UMODL1: variants seen among roughly 807,000 people sequenced by gnomAD.
The protein encoded by UMODL1 is uromodulin like 1, also known as uromodulin-like 1.
Under a neutral mutation model 136.3 loss-of-function variants are expected in UMODL1, and 128 were observed. The ratio of observed to expected loss-of-function variants is 0.94; its 90% CI spans 0.81 to 1.09. The LOEUF is 1.09. Ranked by LOEUF, UMODL1 falls within the 50% of genes least tolerant of loss-of-function variation. The pLI is 0.00. For synonymous variants in UMODL1, 721 were observed against 720.0 expected, an observed-to-expected ratio of 1.00 and a Z score of -0.02; for missense variants, 1,766 against 1,725.6, an observed-to-expected ratio of 1.02 and a Z score of -0.41.
intron 12 of UMODL1, among the ~76,000 whole-genome samples, chr21:42,112,673 C>CCCCTCAGCTGTTCTGCA (rs1484387797): frequency 2.0e-5 from 3 of 151,860 alleles, no homozygotes; most frequent in Non-Finnish European, 2.9e-5. Context: ...TGTTTTGTGC[C>CCCCTCAGCTGTTCTGCA]CCCTCAGCTG....
chr21:42,105,749 A>C (rs959110810), intron 9 of UMODL1, among the ~76,000 whole-genome samples: 5 of 152,216 alleles, frequency 3.3e-5, no homozygotes, highest in African/African-American at 1.2e-4. Context: ...CTAGAGCCCC[A>C]GAGGGAGGGC....
intron 15 of UMODL1, 102 bp from the exon 16 acceptor site, chr21:42,120,969 CTGCTGTGGCTGGAGTT>C: frequency 7.6e-7 from 1 of 1,322,996 alleles, no homozygotes. Context: ...TGACTGCAGT[CTGCTGTGGCTGGAGTT>C]TCCAGCTTTG....
intron 12 of UMODL1, among the ~76,000 whole-genome samples, chr21:42,112,124 A>C: frequency 7.2e-6 from 1 of 139,238 alleles, no homozygotes; most frequent in South Asian, 2.3e-4. Context: ...ACAACTCTGC[A>C]CCCTCCCAGT....
intron 21 of UMODL1, 145 bp downstream of exon 21, chr21:42,129,942 G>C: frequency 1.6e-6 from 1 of 610,982 alleles, no homozygotes; most frequent in South Asian, 2.8e-5. Context: ...AATACTCATA[G>C]TTAGTATTCA....
chr21:42,091,792 C>T (rs1045380718), intron 6 of UMODL1, among the ~76,000 whole-genome samples: 7 of 152,212 alleles, frequency 4.6e-5, no homozygotes, highest in Admixed American at 2.0e-4. Flanking sequence ...TTGAGTTGGA[C>T]GCGTGGTGCT....
rs570086974 is a variant in UMODL1 at position 42,113,983 on chromosome 21, G to A, written c.2362+153G>A. On this transcript the variant is annotated intron_variant, in intron 13 of 22. Coordinates refer to ENST00000408910, the MANE Select transcript of UMODL1 (RefSeq NM_001004416.3). ...GGACATCCGGCTGGCTTCAGCAGGC[G>A]TGCAATGACGGCCAGACAGGAGGTG... 1.4e-3 allele frequency among the ~76,000 whole-genome samples: 216 copies of A among 152,370 alleles called. 2 individuals carry two copies. Among genetic ancestry groups the A allele is most frequent in the East Asian group, 1.2e-3 (6 of 5,190 alleles).
Position 42,076,064 on chromosome 21 carries a change from C to T in UMODL1, c.136C>T (p.Gln46Ter), listed in dbSNP as rs1203670638. 1.2e-6 allele frequency: 2 copies of T among 1,614,152 alleles called. No individual in the cohort carries two copies. The highest frequency in any genetic ancestry group is 1.7e-5 in the Admixed American group (1 of 60,014). ...CAGCCACCGTGTGACCCACACTGTA[C>T]AGAAGGTGGAGGCCGTGCAGACGTC... ...LCSHRVTHTV[Q>*]KVEAVQTSYT... Residue 46 changes from glutamine to a stop codon, truncating the protein, a stop_gained, in exon 2 of 23, where the codon CAG (glutamine) becomes TAG (stop). Transcript: ENST00000408910. LOFTEE classifies it high-confidence loss of function.
chr21:42,100,115 G>A (rs771846753), intron 7 of UMODL1, among the ~76,000 whole-genome samples: 2 of 152,118 alleles, frequency 1.3e-5, no homozygotes, highest in African/African-American at 2.4e-5. Context: ...GCTGGTGGAA[G>A]TTCTCCCCCA....
rs1344258120 is a variant in UMODL1, at chr21:42,122,579, G to A, written c.2828-252G>A. On this transcript the variant is annotated intron_variant, in intron 16 of 22. Transcript: ENST00000408910. The surrounding 1 kb of genome is among the most constrained non-coding windows in gnomAD (Gnocchi z 4.3). ...TGTGTCTGCACGTGTGTGCGTGCGT[G>A]TGTGCATGTGTGTGCATGTGTGTGC... 2.7e-5 allele frequency among the ~76,000 whole-genome samples: 2 copies of A among 74,720 alleles called. No individual in the cohort carries two copies. The allele number at this position is 74,720 out of a possible 152,430, so 49.0% of individuals were successfully genotyped here.
In UMODL1 at chr21:42,122,965, G is replaced by A; in HGVS notation, c.2962G>A (p.Ala988Thr). 6.2e-7 allele frequency: 1 copy of A among 1,614,068 alleles called. No homozygotes were observed. The highest frequency in any genetic ancestry group is 8.5e-7 in the Non-Finnish European group (1 of 1,180,048). The change falls in exon 17 of 23, where the codon GCA becomes ACA. Residue 988 changes from alanine (A) to threonine (T), a missense_variant. Coordinates refer to ENST00000408910, the MANE Select transcript of UMODL1 (RefSeq NM_001004416.3). This position sits in a 1 kb window ranked among gnomAD's most constrained non-coding sequence, Gnocchi z 4.3. ...GLPQRLNLTG[A>T]VRVLCEIEKV... The stretch of plus-strand genomic sequence containing the variant: ...GCCCCAGCGGCTGAACCTGACCGGA[G>A]CAGTCAGGGTGCTCTGTGAGATCGA...
chr21:42,069,579 T>C (rs1375970882), upstream of UMODL1, among the ~76,000 whole-genome samples: 1 of 152,162 alleles, frequency 6.6e-6, no homozygotes, highest in Non-Finnish European at 1.5e-5. Context: ...TTACTGGCTG[T>C]GTGGCCTTTC....
intron 22 of UMODL1, among the ~76,000 whole-genome samples, 186 bp from the exon 23 acceptor site, chr21:42,141,910 G>A (rs1418568143): frequency 2.6e-5 from 4 of 152,212 alleles, no homozygotes; most frequent in South Asian, 2.1e-4. Context: ...CATGGTCCCC[G>A]TTCCACTGGG....
At chr21:42,140,896 T>G (rs2067272799) in intron 22 of UMODL1, among the ~76,000 whole-genome samples, 1 of 152,160 alleles carries the variant, frequency 6.6e-6, no homozygotes, top group South Asian at 2.1e-4. Flanking sequence ...TTTGGTAGCT[T>G]TTGGCCTCTG....
chr21:42,101,212 C>T (rs2066627409), intron 7 of UMODL1, among the ~76,000 whole-genome samples: 1 of 151,904 alleles, frequency 6.6e-6, no homozygotes, highest in Non-Finnish European at 1.5e-5. Flanking sequence ...GTTACGGTGG[C>T]AGCGGATGCC....
rs1030838521 is a variant in UMODL1, at chr21:42,123,862, G to A, written c.3147+712G>A. 6.6e-6 allele frequency among the ~76,000 whole-genome samples: 1 copy of A among 152,218 alleles called. No individual in the cohort carries two copies. ...AGAACTGCTCTGTCGGAGGGACTGT[G>A]TTCCTAGCGAACATTCTCTATTTCA... On this transcript the variant is annotated intron_variant, in intron 17 of 22. Transcript: ENST00000408910. The surrounding 1 kb of genome is among the most constrained non-coding windows in gnomAD (Gnocchi z 4.4).
Position 42,126,363 on chromosome 21 carries a change from G to A in UMODL1, c.3166G>A (p.Val1056Met), listed in dbSNP as rs188500785. 1.4e-3 allele frequency: 2,205 copies of A among 1,614,162 alleles called. 1 individual carries two copies. The highest frequency in any genetic ancestry group is 2.3e-3 in the Admixed American group (140 of 60,028). ...TGCTCAGAACATGACGAACACCGTG[G>A]TGAGGACCACGCTGAGGAACGACCT... ...LMQSNMTNTV[V>M]RTTLRNDLSQ... The change falls in exon 18 of 23, where the codon GTG (valine) becomes ATG (methionine). Residue 1056 changes from valine to methionine, a missense_variant. Val to Met is a conservative substitution (Grantham distance 21). Transcript: ENST00000408910.
rs1389504585 is a variant in UMODL1 at position 42,084,258 on chromosome 21, G to T, written c.481+13G>T. On this transcript the variant is annotated intron_variant, in intron 3 of 22. Coordinates refer to ENST00000408910, the MANE Select transcript of UMODL1 (RefSeq NM_001004416.3). Reference sequence around the variant, plus strand: ...CCTGCACCCCAAGGTAGGCTGCTGCGGGCCATGCTTATGGACAGGCAGCAA... The same window carrying T: ...CCTGCACCCCAAGGTAGGCTGCTGCTGGCCATGCTTATGGACAGGCAGCAA... 2 of 1,612,450 alleles carry T rather than the reference G, an allele frequency of 1.2e-6. No individual in the cohort carries two copies. Among genetic ancestry groups the T allele is most frequent in the Non-Finnish European group, 1.7e-6 (2 of 1,179,604 alleles).
chr21:42,110,636 C>T (rs1195829289), intron 10 of UMODL1, among the ~76,000 whole-genome samples: 2 of 152,198 alleles, frequency 1.3e-5, no homozygotes, highest in African/African-American at 4.8e-5. Flanking sequence ...GTGGATCCCT[C>T]ACCCTCAACT....
chr21:42,141,955 T>G (rs934496031), intron 22 of UMODL1, 141 bp from the exon 23 acceptor site: 6 of 152,288 alleles, frequency 3.9e-5, no homozygotes, highest in Non-Finnish European at 5.9e-5. Context: ...ATTAGGGGCT[T>G]GATCTGTCCC....
Sources: gnomAD v4.1 joint callset for allele counts (sites outside exome capture counted in the v4.1 genomes callset) on GRCh38, gnomAD v4.1.1 for gene constraint, Gnocchi (gnomAD v3.1) non-coding constraint, MANE v1.5 for transcripts, NCBI Gene and HGNC (gene_info 2026-07-23, HGNC 2026-07-21) for gene names.